HTR2C: variants seen among roughly 807,000 people sequenced by gnomAD.
HTR2C encodes 5-hydroxytryptamine receptor 2C.
Under a neutral mutation model 21.0 loss-of-function variants are expected in HTR2C, and 5 were observed. The ratio of observed to expected loss-of-function variants is 0.24; its 90% CI spans 0.12 to 0.50. The LOEUF is 0.50. HTR2C is among the 20% of genes least tolerant of loss of function. HTR2C has a pLI of 0.98. For missense variants in HTR2C, 271 were observed against 371.2 expected, an observed-to-expected ratio of 0.73 and a Z score of 2.22; for synonymous variants, 150 against 145.3, an observed-to-expected ratio of 1.03 and a Z score of -0.23.
chrX:114,816,980 C>T (rs1556454728), intron 4 of HTR2C, among the ~76,000 whole-genome samples: 1 of 110,355 alleles, frequency 9.1e-6, no homozygotes, highest in East Asian at 2.9e-4. Context: ...AATGAGAAGA[C>T]TGACAGATTT....
intron 4 of HTR2C, among the ~76,000 whole-genome samples, chrX:114,741,543 A>AAAAAAAAAAAAAAAAAAAAAAG (rs2069647779): frequency 1.1e-5 from 1 of 89,071 alleles, no homozygotes; most frequent in East Asian, 3.6e-4. Context: ...AAAAAAAAAA[A>AAAAAAAAAAAAAAAAAAAAAAG]AAAAAATATG....
intron 2 of HTR2C, among the ~76,000 whole-genome samples, chrX:114,666,940 G>T (rs999930639): frequency 3.6e-5 from 4 of 110,946 alleles, no homozygotes; most frequent in African/African-American, 1.3e-4. Context: ...TAACAGAACT[G>T]CCTTACAAAC....
At chrX:114,673,697 G>C (rs12862598) in intron 2 of HTR2C, among the ~76,000 whole-genome samples, 14,705 of 110,643 alleles carry the variant, frequency 0.13, 794 homozygotes, top group South Asian at 0.3. Flanking sequence ...GTATGAGATT[G>C]ACAGTAGTTA....
At chrX:114,628,324 TGCTG>T (rs1929462998) in intron 2 of HTR2C, among the ~76,000 whole-genome samples, 1 of 109,299 alleles carries the variant, frequency 9.1e-6, no homozygotes, top group Non-Finnish European at 1.9e-5. Context: ...CTGCAACTTC[TGCTG>T]CCCGGGTTCA....
intron 2 of HTR2C, among the ~76,000 whole-genome samples, chrX:114,690,742 A>G (rs1315850496): frequency 9.0e-6 from 1 of 111,509 alleles, no homozygotes; most frequent in Non-Finnish European, 1.9e-5. Flanking sequence ...TAAAAATAGA[A>G]CTCAATACGG....
chrX:114,624,059 C>T (rs182866380), intron 2 of HTR2C, among the ~76,000 whole-genome samples: 22 of 108,147 alleles, frequency 2.0e-4, no homozygotes, highest in Admixed American at 1.9e-3. Context: ...CAAGCATGCA[C>T]CACCACACCT....
chrX:114,590,241 TAA>T (rs1165956722), intron 1 of HTR2C, among the ~76,000 whole-genome samples: 5 of 112,189 alleles, frequency 4.5e-5, no homozygotes, highest in African/African-American at 1.6e-4. Context: ...TAAATATGAT[TAA>T]AGTCTTTTTA....
At chrX:114,870,096 A>AT (rs199741683) in intron 5 of HTR2C, among the ~76,000 whole-genome samples, 8,251 of 105,476 alleles carry the variant, frequency 0.078, 815 homozygotes, top group African/African-American at 0.27. Context: ...TATTATTATT[A>AT]TTTTTTTTGA....
chrX:114,869,480 T>C (rs1313393166), intron 5 of HTR2C, among the ~76,000 whole-genome samples: 1 of 112,364 alleles, frequency 8.9e-6, no homozygotes, highest in Non-Finnish European at 1.9e-5. Flanking sequence ...TGTTGGCATA[T>C]AGAAATGCTA....
intron 2 of HTR2C, among the ~76,000 whole-genome samples, chrX:114,620,688 A>G (rs138656302): frequency 0.023 from 2,560 of 111,603 alleles, 82 homozygotes; most frequent in African/African-American, 0.079. Context: ...TATGTATTAC[A>G]CGGAATTGCA....
At chrX:114,623,910 T>TA (rs1569479017) in intron 2 of HTR2C, among the ~76,000 whole-genome samples, 1 of 93,235 alleles carries the variant, frequency 1.1e-5, no homozygotes, top group Admixed American at 1.2e-4. Context: ...GTTGTTGTTT[T>TA]TTTTTTTTTT....
chrX:114,597,958 A>G (rs1231229491), intron 1 of HTR2C, among the ~76,000 whole-genome samples: 2 of 111,907 alleles, frequency 1.8e-5, no homozygotes, highest in East Asian at 2.8e-4. Flanking sequence ...ACATTGTTAC[A>G]TTCAATAATT....
intron 4 of HTR2C, among the ~76,000 whole-genome samples, chrX:114,835,993 G>A (rs1427646741): frequency 6.1e-4 from 66 of 108,138 alleles, no homozygotes; most frequent in African/African-American, 2.0e-3. Context: ...CCCCTGCTGG[G>A]GGGTGCCTCC....
intron 4 of HTR2C, among the ~76,000 whole-genome samples, chrX:114,742,724 TTA>T (rs1491275507): frequency 2.2e-4 from 12 of 53,862 alleles, no homozygotes; most frequent in Admixed American, 1.5e-3. Context: ...TTTTTTTTTT[TTA>T]ATTTTTTTTT....
At chrX:114,767,591 A>G (rs1444168517) in intron 4 of HTR2C, among the ~76,000 whole-genome samples, 1 of 109,548 alleles carries the variant, frequency 9.1e-6, no homozygotes, top group Non-Finnish European at 1.9e-5. Context: ...AGCAAGTACA[A>G]AGGACAAAGC....
intron 4 of HTR2C, among the ~76,000 whole-genome samples, chrX:114,839,639 A>G (rs1384810501): frequency 9.0e-6 from 1 of 111,306 alleles, no homozygotes; most frequent in African/African-American, 3.3e-5. Flanking sequence ...GTGAGCTGAA[A>G]TAGTGTCACG....
At chrX:114,634,651 A>C (rs1171274699) in intron 2 of HTR2C, among the ~76,000 whole-genome samples, 1 of 110,508 alleles carries the variant, frequency 9.0e-6, no homozygotes, top group African/African-American at 3.3e-5. Flanking sequence ...CTCTACCAAA[A>C]CTACAAAAAA....
intron 4 of HTR2C, among the ~76,000 whole-genome samples, chrX:114,791,964 A>T (rs1556443771): frequency 9.0e-6 from 1 of 111,646 alleles, no homozygotes; most frequent in Non-Finnish European, 1.9e-5. Flanking sequence ...CATGTGCATC[A>T]GAATTTCTTG....
intron 5 of HTR2C, among the ~76,000 whole-genome samples, chrX:114,883,827 G>A (rs782442150): frequency 9.1e-5 from 10 of 109,803 alleles, no homozygotes; most frequent in Non-Finnish European, 1.3e-4. Flanking sequence ...TCAAGTATAC[G>A]ATACATTGCT....
Sources: gnomAD v4.1 joint callset for allele counts (sites outside exome capture counted in the v4.1 genomes callset) on GRCh38, gnomAD v4.1.1 for gene constraint, MANE v1.5 for transcripts, NCBI Gene and HGNC (gene_info 2026-07-23, HGNC 2026-07-21) for gene names.